ANKRD11: variants seen among roughly 807,000 people sequenced by gnomAD.
The protein encoded by ANKRD11 is ankyrin repeat domain 11.
In ANKRD11, 17 loss-of-function variants were observed where a neutral mutation model predicts 195.7. The observed-to-expected ratio is 0.09, with a 90% CI of 0.06 to 0.13. The LOEUF (loss-of-function observed/expected upper bound fraction) is 0.13, where lower values mean the gene tolerates loss of function less well. Among genes scored for constraint, ANKRD11 ranks in the 10% least tolerant of loss-of-function variants. The pLI is 1.00. For synonymous variants in ANKRD11, 1,953 were observed against 1,528.1 expected (o/e 1.28, Z -6.49); for missense variants, 3,735 against 3,566.1 (o/e 1.05, Z -1.21).
chr16:89,416,616 A>G (rs1194603007), intron 2 of ANKRD11, among the ~76,000 whole-genome samples: 2 of 151,052 alleles, frequency 1.3e-5, no homozygotes, highest in Non-Finnish European at 3.0e-5. Context: ...CTGATTAATA[A>G]TTTTATTTTT....
chr16:89,398,448 C>G lies in ANKRD11; in HGVS notation c.-60+19836G>C, dbSNP rs113889382. ...TGACAAGAGGGACACTGTGAAACAG[C>G]TGAAGATTACCTGTAACCTCAGCAC... is the stretch of plus-strand genomic sequence containing the variant. On this transcript the variant is annotated intron_variant, in intron 2 of 12. Transcript: ENST00000301030. Among the ~76,000 whole-genome samples the G allele has an allele frequency of 5.3e-5, 7 of 131,152 alleles. 1 individual carries two copies. Among genetic ancestry groups the G allele is most frequent in the African/African-American group, 2.4e-4 (7 of 29,590 alleles). The allele number at this position is 131,152 out of a possible 152,430, so 86.0% of individuals were successfully genotyped here.
intron 2 of ANKRD11, among the ~76,000 whole-genome samples, chr16:89,383,704 G>A (rs568648862): frequency 7.8e-4 from 119 of 151,638 alleles, no homozygotes; most frequent in African/African-American, 2.8e-3. Flanking sequence ...CCCTGCCCTC[G>A]GACCAGCAAC....
intron 2 of ANKRD11, chr16:89,372,720 A>C (rs969683218): frequency 6.6e-6 from 1 of 152,196 alleles, no homozygotes; most frequent in African/African-American, 2.4e-5. Context: ...GTAAACGCTG[A>C]GCCCGGGGAC....
intron 2 of ANKRD11, among the ~76,000 whole-genome samples, chr16:89,343,079 G>C (rs1178367140): frequency 1.3e-5 from 2 of 152,190 alleles, no homozygotes; most frequent in African/African-American, 2.4e-5. Context: ...GGAGTGCAGT[G>C]GTGCGATCTC....
chr16:89,278,470 C>T (rs1414010375), intron 9 of ANKRD11: 3 of 452,726 alleles, frequency 6.6e-6, no homozygotes, highest in African/African-American at 2.0e-5. Context: ...GGGGTGATTC[C>T]GAGATGTTTC....
intron 12 of ANKRD11, among the ~76,000 whole-genome samples, chr16:89,269,351 G>C (rs1449321005): frequency 2.6e-5 from 4 of 152,098 alleles, no homozygotes; most frequent in African/African-American, 7.2e-5. Context: ...CGATGTTGGC[G>C]AGCTGCAGTG....
chr16:89,291,813 G>C lies in ANKRD11; in HGVS notation c.227-630C>G. On this transcript the variant is annotated intron_variant, in intron 4 of 12. Coordinates refer to ENST00000301030, the MANE Select transcript of ANKRD11 (RefSeq NM_013275.6). The surrounding 1 kb of genome is among the most constrained non-coding windows in gnomAD (Gnocchi z 5.3). ...CAACACAGAGCACTAACAAGACACGGTGTGAGAGCTCGGCTGTTTCCACCT... is the reference window on the plus strand; with the variant it reads ...CAACACAGAGCACTAACAAGACACGCTGTGAGAGCTCGGCTGTTTCCACCT... 1 of 1,269,524 alleles carries C rather than the reference G, an allele frequency of 7.9e-7. No homozygotes were observed. Among genetic ancestry groups the C allele is most frequent in the Non-Finnish European group, 1.0e-6 (1 of 970,682 alleles). 78.6% of individuals were successfully genotyped at this position (1,269,524 alleles called of 1,614,324 possible).
chr16:89,438,773 A>T (rs2043323192), intron 1 of ANKRD11, among the ~76,000 whole-genome samples: 1 of 152,140 alleles, frequency 6.6e-6, no homozygotes, highest in African/African-American at 2.4e-5. Context: ...TAGGAGGCCG[A>T]GGTGGGAGGA....
chr16:89,306,293 C>T (rs1467635579), intron 3 of ANKRD11, among the ~76,000 whole-genome samples: 1 of 106,068 alleles, frequency 9.4e-6, no homozygotes, highest in Non-Finnish European at 1.8e-5. Context: ...CAGACACACG[C>T]CACCTACCTC....
intron 1 of ANKRD11, among the ~76,000 whole-genome samples, chr16:89,458,418 G>T (rs941710194): frequency 2.6e-5 from 4 of 152,074 alleles, no homozygotes; most frequent in African/African-American, 9.7e-5. Flanking sequence ...TAGAGACGGG[G>T]TTTCACCATG....
intron 2 of ANKRD11, among the ~76,000 whole-genome samples, chr16:89,390,686 G>T (rs531186199): frequency 2.6e-5 from 4 of 152,092 alleles, no homozygotes; most frequent in Non-Finnish European, 4.4e-5. Context: ...GGTTCTCGGG[G>T]AAACAGTGAG....
intron 2 of ANKRD11, among the ~76,000 whole-genome samples, chr16:89,322,902 G>A (rs574034536): frequency 1.3e-5 from 2 of 152,334 alleles, no homozygotes; most frequent in Admixed American, 6.5e-5. Flanking sequence ...GGAGTGCAGC[G>A]GTGTGATCAC....
intron 4 of ANKRD11, chr16:89,301,553 G>C: frequency 2.5e-6 from 1 of 398,946 alleles, no homozygotes; most frequent in Non-Finnish European, 4.4e-6. Flanking sequence ...TTGGGGCCGG[G>C]ACATGGCAGG....
intron 1 of ANKRD11, among the ~76,000 whole-genome samples, chr16:89,418,872 C>T (rs1443836863): frequency 6.6e-6 from 1 of 151,510 alleles, no homozygotes; most frequent in Non-Finnish European, 1.5e-5. Context: ...TGGGTTCAAG[C>T]GATTCTCCTA....
Position 89,290,993 on chromosome 16 carries a change from C to T in ANKRD11, c.397+20G>A, listed in dbSNP as rs2035025183. On this transcript the variant is annotated intron_variant, in intron 5 of 12. Coordinates refer to ENST00000301030, the MANE Select transcript of ANKRD11 (RefSeq NM_013275.6). ...AGAGCCCCTTCCCTGCGCCAGGGAC[C>T]ACCCACAGGCCGGGCTCACCTGGGC... 6.2e-7 allele frequency: 1 copy of T among 1,610,500 alleles called. No individual in the cohort carries two copies. The highest frequency in any genetic ancestry group is 1.1e-5 in the South Asian group (1 of 90,974).
rs148083935 is a variant in ANKRD11 at position 89,488,447 on chromosome 16, C to G, written c.-145+1798G>C. Among the ~76,000 whole-genome samples, 114 of 151,646 alleles carry G rather than the reference C, an allele frequency of 7.5e-4. 1 individual carries two copies. Among genetic ancestry groups the G allele is most frequent in the African/African-American group, 2.6e-3 (108 of 41,248 alleles). ...AGGCTGAGCAAGACATCCGCCCCCC[C>G]CCCTTTTTTTCTAGTTTAACTACAG... On this transcript the variant is annotated intron_variant, in intron 1 of 12. Coordinates refer to ENST00000301030, the MANE Select transcript of ANKRD11 (RefSeq NM_013275.6).
At position 89,268,373 on chromosome 16, in the gene ANKRD11, C is replaced by G; in HGVS notation, c.*105G>C. On this transcript the variant is annotated 3_prime_UTR_variant, in exon 13 of 13. Coordinates refer to ENST00000301030, the MANE Select transcript of ANKRD11 (RefSeq NM_013275.6). ...AAGTGCAGTCTCTCTCGGGGTCTCT[C>G]CCCGCCCGGGTGGACAGGGCGCTCC... 3.5e-6 allele frequency: 2 copies of G among 565,254 alleles called. No homozygotes were observed. Among genetic ancestry groups the G allele is most frequent in the Non-Finnish European group, 6.1e-6 (2 of 325,572 alleles). 35.0% of individuals were successfully genotyped at this position (565,254 alleles called of 1,614,324 possible). A position where few individuals can be genotyped will look rare whatever the true frequency, so the allele number is the denominator to read the frequency against.
At chr16:89,425,408 T>G (rs928451719) in intron 1 of ANKRD11, among the ~76,000 whole-genome samples, 4 of 152,142 alleles carry the variant, frequency 2.6e-5, no homozygotes, top group African/African-American at 4.8e-5. Flanking sequence ...CAATGTAACT[T>G]TAGAGGACTT....
At chr16:89,311,593 T>C (rs1242275199) in intron 3 of ANKRD11, among the ~76,000 whole-genome samples, 3 of 152,216 alleles carry the variant, frequency 2.0e-5, no homozygotes, top group South Asian at 2.1e-4. Context: ...AAATGGATCA[T>C]AGACCTACAT....
Sources: allele counts gnomAD v4.1 joint callset (sites outside exome capture counted in the v4.1 genomes callset), GRCh38; gene constraint gnomAD v4.1.1; non-coding constraint Gnocchi (gnomAD v3.1); transcripts MANE v1.5; gene names NCBI Gene and HGNC (gene_info 2026-07-23, HGNC 2026-07-21).